LRMDA: variants seen among roughly 807,000 people sequenced by gnomAD.
LRMDA encodes leucine rich melanocyte differentiation associated, also known as leucine-rich melanocyte differentiation-associated protein.
Under a neutral mutation model 29.8 loss-of-function variants are expected in LRMDA, and 18 were observed. That is an observed-to-expected ratio of 0.60 (90% confidence interval 0.42 to 0.90). LRMDA has a LOEUF of 0.90. Ranked by LOEUF, LRMDA falls within the 40% of genes least tolerant of loss-of-function variation. The probability of loss-of-function intolerance (pLI) is 0.00; values close to 1 mark genes in which losing one functional copy is unlikely to be tolerated. For synonymous variants in LRMDA, 125 were observed against 109.4 expected (o/e 1.14, Z -0.89); for missense variants, 273 against 273.9 (o/e 1.00, Z 0.02).
chr10:76,306,694 A>G lies in LRMDA; in HGVS notation c.517-17707A>G, dbSNP rs1483154263. On this transcript the variant is annotated intron_variant, in intron 5 of 6. Coordinates refer to ENST00000611255, the MANE Select transcript of LRMDA (RefSeq NM_001305581.2). ...AATGCTTTTGGAAAATGAGAGATGC[A>G]CATTAGAATTAATTTTCCCATACCT... is the stretch of plus-strand genomic sequence containing the variant. Among the ~76,000 whole-genome samples, 4 of 152,362 alleles carry G rather than the reference A, an allele frequency of 2.6e-5. No individual in the cohort carries two copies. In the East Asian group the frequency reaches 7.7e-4, roughly 29 times the overall value.
chr10:75,471,369 T>C (rs1200873745), intron 2 of LRMDA, among the ~76,000 whole-genome samples: 2 of 151,932 alleles, frequency 1.3e-5, no homozygotes, highest in Non-Finnish European at 1.5e-5. Flanking sequence ...GCATACATTG[T>C]AGGAGTTGGG....
chr10:75,588,550 G>A (rs536205167), intron 2 of LRMDA, among the ~76,000 whole-genome samples: 1 of 152,262 alleles, frequency 6.6e-6, no homozygotes, highest in South Asian at 2.1e-4. Flanking sequence ...GGGCATGCAG[G>A]TCTAACTCAA....
intron 6 of LRMDA, among the ~76,000 whole-genome samples, chr10:76,490,886 A>G (rs2637235): frequency 0.7 from 105,943 of 151,446 alleles, 38,400 homozygotes; most frequent in Non-Finnish European, 0.81. Context: ...AGTGAAGGTG[A>G]TTTTCTCTTG....
chr10:76,340,368 T>G (rs1841024312), intron 6 of LRMDA, among the ~76,000 whole-genome samples: 2 of 151,426 alleles, frequency 1.3e-5, no homozygotes, highest in South Asian at 4.2e-4. Context: ...ATACAAAAAA[T>G]AGCTGGGCAT....
intron 5 of LRMDA, among the ~76,000 whole-genome samples, chr10:76,218,369 C>T (rs538787111): frequency 3.9e-5 from 6 of 152,256 alleles, no homozygotes; most frequent in African/African-American, 9.6e-5. Context: ...CCGAGAGACC[C>T]GGAAGATATT....
At chr10:76,043,074 A>G (rs903554270) in intron 3 of LRMDA, among the ~76,000 whole-genome samples, 1 of 152,092 alleles carries the variant, frequency 6.6e-6, no homozygotes, top group Non-Finnish European at 1.5e-5. Flanking sequence ...GTGAGCCGAG[A>G]TCACGCCATT....
intron 6 of LRMDA, among the ~76,000 whole-genome samples, chr10:76,377,630 T>C (rs1320054183): frequency 6.6e-6 from 1 of 152,224 alleles, no homozygotes; most frequent in Non-Finnish European, 1.5e-5. Context: ...ATTTATTAAA[T>C]ATGATGTCCT....
At chr10:75,754,035 A>G (rs188908788) in intron 2 of LRMDA, among the ~76,000 whole-genome samples, 4 of 152,320 alleles carry the variant, frequency 2.6e-5, no homozygotes, top group African/African-American at 9.6e-5. Context: ...TTTGCCCTTG[A>G]TGACATCCTT....
chr10:75,877,512 C>T (rs1845218110), intron 2 of LRMDA, among the ~76,000 whole-genome samples: 1 of 152,214 alleles, frequency 6.6e-6, no homozygotes, highest in African/African-American at 2.4e-5. Context: ...GTGTTTGTAG[C>T]TCCACACCTA....
chr10:76,123,665 A>G (rs980728074), intron 5 of LRMDA, among the ~76,000 whole-genome samples: 1 of 152,238 alleles, frequency 6.6e-6, no homozygotes, highest in African/African-American at 2.4e-5. Flanking sequence ...AGGTTAGGAT[A>G]GTCCTTCTCT....
At chr10:76,312,463 G>A (rs1262741180) in intron 5 of LRMDA, among the ~76,000 whole-genome samples, 2 of 152,052 alleles carry the variant, frequency 1.3e-5, no homozygotes, top group African/African-American at 4.8e-5. Flanking sequence ...TGGTTCCAAG[G>A]ACAGAACTTG....
Position 76,097,358 on chromosome 10 carries a change from C to A in LRMDA, c.516+38575C>A, listed in dbSNP as rs1393258685. Among the ~76,000 whole-genome samples the A allele has an allele frequency of 2.0e-5, 3 of 152,134 alleles. No individual in the cohort carries two copies. In the East Asian group the frequency reaches 5.8e-4, roughly 29 times the overall value. ...CAGTTTTATTTCCTCAGTTTCAATT[C>A]TTAGATTCTTTAATTATTTTTATTG... On this transcript the variant is annotated intron_variant, in intron 5 of 6. Coordinates refer to ENST00000611255, the MANE Select transcript of LRMDA (RefSeq NM_001305581.2).
intron 2 of LRMDA, among the ~76,000 whole-genome samples, chr10:75,621,203 C>CAT (rs1326916990): frequency 8.9e-6 from 1 of 112,446 alleles, no homozygotes; most frequent in African/African-American, 3.0e-5. Context: ...TTCCATTACA[C>CAT]ACACACACAC....
At chr10:76,076,175 C>T (rs1290581873) in intron 5 of LRMDA, among the ~76,000 whole-genome samples, 2 of 151,738 alleles carry the variant, frequency 1.3e-5, no homozygotes, top group African/African-American at 4.8e-5. Flanking sequence ...AAACCCGTCT[C>T]TACTAAAAAT....
intron 6 of LRMDA, among the ~76,000 whole-genome samples, chr10:76,554,963 G>A (rs190204770): frequency 3.3e-5 from 5 of 152,132 alleles, no homozygotes; most frequent in African/African-American, 9.6e-5. Flanking sequence ...TATGACATCC[G>A]ACAGACCTAT....
intron 2 of LRMDA, among the ~76,000 whole-genome samples, chr10:75,793,614 A>G (rs1479977804): frequency 6.6e-6 from 1 of 152,212 alleles, no homozygotes; most frequent in East Asian, 1.9e-4. Flanking sequence ...GGTCACATGA[A>G]TAGTTCAGGT....
Position 75,593,662 on chromosome 10 carries a change from AC to A in LRMDA, c.131+155169del, listed in dbSNP as rs1322031445. On this transcript the variant is annotated intron_variant, in intron 2 of 6. Transcript: ENST00000611255. ...ACAGGCTTCATCCCCCTTAACAATTACAGATTTTCCTTCCTCTGACAGTTAC... is the reference window on the plus strand; with the variant it reads ...ACAGGCTTCATCCCCCTTAACAATTAAGATTTTCCTTCCTCTGACAGTTAC... Among the ~76,000 whole-genome samples the A allele has an allele frequency of 5.9e-5, 9 of 152,372 alleles. No homozygotes were observed. The South Asian group carries it at 1.9e-3, about 32-fold the overall frequency.
intron 2 of LRMDA, among the ~76,000 whole-genome samples, chr10:75,972,832 T>C (rs2132440511): frequency 6.6e-6 from 1 of 152,282 alleles, no homozygotes; most frequent in African/African-American, 2.4e-5. Flanking sequence ...CCAAGTCTCC[T>C]CTGCCACCAT....
At chr10:75,738,557 A>G (rs1324020449) in intron 2 of LRMDA, among the ~76,000 whole-genome samples, 1 of 152,232 alleles carries the variant, frequency 6.6e-6, no homozygotes, top group Non-Finnish European at 1.5e-5. Flanking sequence ...AGAAGACGTC[A>G]TTGATAAATA....
Sources: gnomAD v4.1 joint callset for allele counts (sites outside exome capture counted in the v4.1 genomes callset) on GRCh38, gnomAD v4.1.1 for gene constraint, MANE v1.5 for transcripts, NCBI Gene and HGNC (gene_info 2026-07-23, HGNC 2026-07-21) for gene names.